The following SKOR2 variants were observed in gnomAD, a reference collection of about 807,000 sequenced individuals.
SKOR2 encodes LBX1 corepressor 1-like protein.
In SKOR2, 47 loss-of-function variants were observed where a neutral mutation model predicts 69.1. The ratio of observed to expected loss-of-function variants is 0.68; its 90% CI spans 0.54 to 0.87. SKOR2 has a LOEUF of 0.87. Ranked by LOEUF, SKOR2 falls within the 40% of genes least tolerant of loss-of-function variation. SKOR2 has a pLI of 0.00. For synonymous variants in SKOR2, 717 were observed against 672.6 expected (o/e 1.07, Z -1.02); for missense variants, 1,404 against 1,472.2 (o/e 0.95, Z 0.76).
At chr18:47,230,784 T>G (rs1198341133) in intron 5 of SKOR2, 151 bp downstream of exon 5, 3 of 743,082 alleles carry the variant, frequency 4.0e-6, no homozygotes, top group Non-Finnish European at 6.4e-6. Flanking sequence ...ATGTATGCAT[T>G]AATCTCAATT....
intron 6 of SKOR2, among the ~76,000 whole-genome samples, chr18:47,225,379 C>T (rs2064175066): frequency 6.6e-6 from 1 of 152,160 alleles, no homozygotes; most frequent in African/African-American, 2.4e-5. Flanking sequence ...GGATACTCAC[C>T]TTTATACAAG....
At chr18:47,242,205 A>G (rs2064252272) in intron 4 of SKOR2, among the ~76,000 whole-genome samples, 1 of 152,200 alleles carries the variant, frequency 6.6e-6, no homozygotes, top group Non-Finnish European at 1.5e-5. Flanking sequence ...ATTTGTTTTC[A>G]AATTCCATCC....
chr18:47,249,291 A>T, intron 1 of SKOR2, 61 bp from the exon 2 acceptor site: 1 of 1,331,600 alleles, frequency 7.5e-7, no homozygotes. Flanking sequence ...GAGGGGTGGG[A>T]TGAATCGCTA....
At chr18:47,244,174 A>T (rs1443559366) in intron 4 of SKOR2, among the ~76,000 whole-genome samples, 2 of 152,002 alleles carry the variant, frequency 1.3e-5, no homozygotes, top group African/African-American at 4.8e-5. Context: ...TGCTCTCTAC[A>T]CCACTCTCTC....
At chr18:47,244,855 G>T in intron 4 of SKOR2, 53 bp downstream of exon 4, 1 of 1,447,180 alleles carries the variant, frequency 6.9e-7, no homozygotes, top group Non-Finnish European at 9.3e-7. Context: ...ATGAATTTCA[G>T]CCCCTCTCCC....
intron 6 of SKOR2, among the ~76,000 whole-genome samples, chr18:47,227,366 C>T (rs1383033570): frequency 8.7e-6 from 1 of 114,686 alleles, no homozygotes; most frequent in East Asian, 2.8e-4. Flanking sequence ...GAGACGGAGT[C>T]TCCCTGTGTT....
In SKOR2 at chr18:47,248,932, G is replaced by A. The variant is rs756230351; in HGVS notation, c.252C>T (p.Arg84=). The change falls in exon 2 of 9, where the codon CGC becomes CGT. Residue 84 remains arginine, a synonymous_variant. Transcript: ENST00000425639. This position sits in a 1 kb window ranked among gnomAD's most constrained non-coding sequence, Gnocchi z 6.4. ...NFSYNEIHNR[R]VALGITCVQC... ...GCACACACGTGATGCCCAGTGCCAC[G>A]CGACGGTTGTGGATCTCGTTGTAGC... The A allele has an allele frequency of 1.3e-6, 2 of 1,575,634 alleles. No individual in the cohort carries two copies. The highest frequency in any genetic ancestry group is 1.3e-5 in the African/African-American group (1 of 74,614).
rs1026091819 is a variant in SKOR2 at position 47,214,417 on chromosome 18, C to A, written c.2986-2266G>T. 9.5e-4 allele frequency among the ~76,000 whole-genome samples: 144 copies of A among 152,158 alleles called. 1 individual carries two copies. Among genetic ancestry groups the A allele is most frequent in the African/African-American group, 3.1e-3 (128 of 41,510 alleles). The stretch of plus-strand genomic sequence containing the variant: ...AAACTGGGGTGAAGAATTATCCCTA[C>A]TAGAATGTTGATTTTTTCATTTATT... On this transcript the variant is annotated intron_variant, in intron 7 of 8. Coordinates refer to ENST00000425639, the MANE Select transcript of SKOR2 (RefSeq NM_001278063.4).
At position 47,248,532 on chromosome 18, in the gene SKOR2, T is replaced by C. The variant is rs1221677336; in HGVS notation, c.652A>G (p.Lys218Glu). The change falls in exon 2 of 9, where the codon AAG (lysine) becomes GAG (glutamate). Residue 218 changes from lysine (K) to glutamate (E), a missense_variant. Physicochemically the swap from Lys to Glu is moderately conservative, Grantham distance 56. This residue lies in a region of SKOR2 where 1,266 missense variants were observed against 1,309.9 expected (regional missense o/e 0.97). Transcript: ENST00000425639. This position sits in a 1 kb window ranked among gnomAD's most constrained non-coding sequence, Gnocchi z 6.4. The part of the protein sequence containing the change: ...SWRRHLKLTD[K>E]SPQDELVFAW... The stretch of plus-strand genomic sequence containing the variant: ...AAGACCAGCTCGTCCTGGGGACTCT[T>C]GTCGGTGAGCTTGAGATGACGGCGC... The C allele has an allele frequency of 2.6e-6, 4 of 1,537,210 alleles. No homozygotes were observed. In the Admixed American group the frequency reaches 7.8e-5, roughly 30 times the overall value.
chr18:47,224,202 C>T (rs969929021), intron 6 of SKOR2, among the ~76,000 whole-genome samples: 3 of 152,188 alleles, frequency 2.0e-5, no homozygotes, highest in Admixed American at 6.5e-5. Context: ...CCACCACGCC[C>T]GACCATATTT....
intron 4 of SKOR2, among the ~76,000 whole-genome samples, chr18:47,233,670 C>T (rs938978883): frequency 6.6e-6 from 1 of 152,194 alleles, no homozygotes; most frequent in Non-Finnish European, 1.5e-5. Flanking sequence ...ATAGGCAATT[C>T]TAGAAACCAT....
chr18:47,247,842 C>G lies in SKOR2; in HGVS notation c.1342G>C (p.Ala448Pro). 1 of 1,367,120 alleles carries G rather than the reference C, an allele frequency of 7.3e-7. No homozygotes were observed. Among genetic ancestry groups the G allele is most frequent in the Non-Finnish European group, 9.3e-7 (1 of 1,070,298 alleles). The allele number at this position is 1,367,120 out of a possible 1,614,324, so 84.7% of individuals were successfully genotyped here. Residue 448 changes from alanine (A) to proline (P), a missense_variant, in exon 2 of 9, where the codon GCC becomes CCC. Physicochemically the swap from Ala to Pro is conservative, Grantham distance 27. This residue lies in a region of SKOR2 where 1,266 missense variants were observed against 1,309.9 expected (regional missense o/e 0.97). Coordinates refer to ENST00000425639, the MANE Select transcript of SKOR2 (RefSeq NM_001278063.4). The surrounding 1 kb of genome is among the most constrained non-coding windows in gnomAD (Gnocchi z 6.6). ...GGCCAGAAGAGGCCGGACAAGCCGG[C>G]CTTGGGCGCCGCGCCCGCGCCGCCT... ...GAGGAGAAPK[A>P]GLSGLFWPAG... is the part of the protein sequence containing the mutation.
At position 47,230,926 on chromosome 18, in the gene SKOR2, T is replaced by A; in HGVS notation, c.2818+9A>T. On this transcript the variant is annotated intron_variant, in intron 5 of 8. Transcript: ENST00000425639. Reference sequence around the variant, plus strand: ...AGAGAAGTTCTACAGAATTGAAACTTTCATTTACCTTTCCCCATATTTTCT... The same window carrying A: ...AGAGAAGTTCTACAGAATTGAAACTATCATTTACCTTTCCCCATATTTTCT... The A allele has an allele frequency of 6.5e-7, 1 of 1,535,372 alleles. No individual in the cohort carries two copies. The highest frequency in any genetic ancestry group is 8.7e-7 in the Non-Finnish European group (1 of 1,146,408).
intron 6 of SKOR2, among the ~76,000 whole-genome samples, chr18:47,221,186 T>C (rs1298320655): frequency 6.6e-6 from 1 of 152,246 alleles, no homozygotes; most frequent in Non-Finnish European, 1.5e-5. Flanking sequence ...TACCTTTTCA[T>C]ACTATTTGAA....
At chr18:47,223,903 CT>C (rs35581562) in intron 6 of SKOR2, among the ~76,000 whole-genome samples, 90,941 of 146,008 alleles carry the variant, frequency 0.62, 28,325 homozygotes, top group African/African-American at 0.75. Context: ...TTTCTATGTT[CT>C]TTTTTTTTTT....
At chr18:47,220,044 A>G (rs2064156471) in intron 6 of SKOR2, 34 bp from the exon 7 acceptor site, 2 of 1,505,732 alleles carry the variant, frequency 1.3e-6, no homozygotes, top group African/African-American at 1.4e-5. Flanking sequence ...AAGATTAACT[A>G]AAGTGTAAAA....
chr18:47,247,788 G>A lies in SKOR2; in HGVS notation c.1396C>T (p.Pro466Ser). 1 of 1,399,178 alleles carries A rather than the reference G, an allele frequency of 7.1e-7. No individual in the cohort carries two copies. The highest frequency in any genetic ancestry group is 9.2e-7 in the Non-Finnish European group (1 of 1,084,330). The allele number at this position is 1,399,178 out of a possible 1,614,324, so 86.7% of individuals were successfully genotyped here. Residue 466 changes from proline (P) to serine (S), a missense_variant, in exon 2 of 9, where the codon CCC becomes TCC. Physicochemically the swap from Pro to Ser is moderately conservative, Grantham distance 74. Around this residue, in one of 3 missense-constraint regions of SKOR2, gnomAD observed 1,266 missense variants for 1,309.9 expected, o/e 0.97. Coordinates refer to ENST00000425639, the MANE Select transcript of SKOR2 (RefSeq NM_001278063.4). This position sits in a 1 kb window ranked among gnomAD's most constrained non-coding sequence, Gnocchi z 6.6. ...PAGRKDAFYP[P>S]FCMFWPPRTP... ...CGCGGCGGCCAGAACATGCAGAAGG[G>A]CGGATAGAAGGCGTCCTTGCGGCCC...
chr18:47,250,825 G>A (rs1484313841), intron 1 of SKOR2, among the ~76,000 whole-genome samples: 2 of 152,172 alleles, frequency 1.3e-5, no homozygotes, highest in Non-Finnish European at 2.9e-5. Context: ...AGTTCAAGGC[G>A]CAGTGACACC....
chr18:47,246,482 A>G (rs771732470), intron 2 of SKOR2, 89 bp downstream of exon 2: 9 of 1,373,636 alleles, frequency 6.6e-6, no homozygotes, highest in South Asian at 1.6e-5. Flanking sequence ...CTGGTGATTC[A>G]TCTTTCCTGC....
Sources: gnomAD v4.1 joint callset for allele counts (sites outside exome capture counted in the v4.1 genomes callset) on GRCh38, gnomAD v4.1.1 for gene constraint, gnomAD v4.1.1 regional missense constraint, Gnocchi (gnomAD v3.1) non-coding constraint, MANE v1.5 for transcripts, NCBI Gene and HGNC (gene_info 2026-07-23, HGNC 2026-07-21) for gene names.